Variants in RBFOX1 observed in about 807,000 individuals in gnomAD.
RBFOX1 encodes RNA binding protein fox-1 homolog 1.
In RBFOX1, 8 loss-of-function variants were observed where a neutral mutation model predicts 57.7. The ratio of observed to expected loss-of-function variants is 0.14; its 90% confidence interval spans 0.08 to 0.25. The LOEUF (loss-of-function observed/expected upper bound fraction) is 0.25. Ranked by LOEUF, RBFOX1 falls within the 10% of genes least tolerant of loss-of-function variation. The pLI is 1.00. For missense variants in RBFOX1, 611 were observed against 548.5 expected (o/e 1.11, Z -1.14); for synonymous variants, 326 against 222.4 (o/e 1.47, Z -4.15).
intron 1 of RBFOX1, among the ~76,000 whole-genome samples, chr16:6,193,733 C>A (rs575136787): frequency 1.3e-5 from 2 of 151,884 alleles, no homozygotes; most frequent in Non-Finnish European, 2.9e-5. Context: ...TTGAAACTGC[C>A]CATTTCTTTG....
chr16:7,679,984 C>G (rs2074326582), intron 14 of RBFOX1, among the ~76,000 whole-genome samples: 1 of 152,182 alleles, frequency 6.6e-6, no homozygotes, highest in Admixed American at 6.5e-5. Flanking sequence ...TCTAATCTCA[C>G]TTTGATTTAT....
intron 2 of RBFOX1, among the ~76,000 whole-genome samples, chr16:6,320,753 G>T (rs1011390533): frequency 6.7e-6 from 1 of 148,858 alleles, no homozygotes. Context: ...AAAACTAAGT[G>T]TTCTTTCAAA....
At position 5,380,102 on chromosome 16, in the gene RBFOX1, T is replaced by C. The variant is rs551689987; in HGVS notation, c.220-87114T>C. Among the ~76,000 whole-genome samples the C allele has an allele frequency of 7.2e-5, 11 of 152,130 alleles. 1 individual carries two copies. Among genetic ancestry groups the C allele is most frequent in the African/African-American group, 2.2e-4 (9 of 41,420 alleles). ...ATTTTGAGAGGGTTAAGGACAATTATTTATTTTGAGTGTGCCCCAGATTGT... is the reference window on the plus strand; with the variant it reads ...ATTTTGAGAGGGTTAAGGACAATTACTTATTTTGAGTGTGCCCCAGATTGT... On this transcript the variant is annotated intron_variant, in intron 1 of 2. Coordinates refer to the RBFOX1 transcript ENST00000585867.
chr16:6,091,268 A>T (rs1220822038), intron 1 of RBFOX1, among the ~76,000 whole-genome samples: 1 of 152,128 alleles, frequency 6.6e-6, no homozygotes, highest in East Asian at 1.9e-4. Flanking sequence ...CATCTATGAT[A>T]CCCACTTATG....
chr16:7,467,379 C>T (rs959823207), intron 4 of RBFOX1, among the ~76,000 whole-genome samples: 1 of 152,078 alleles, frequency 6.6e-6, no homozygotes, highest in African/African-American at 2.4e-5. Context: ...ATCTGTCTGC[C>T]TTCTAGGGTT....
rs560900847 is a variant in RBFOX1 at position 5,677,971 on chromosome 16, A to G, written c.318+79010A>G. Reference sequence around the variant, plus strand: ...GAAATGTGTTCTATGTCAGATGCTCATGGTGGAGCACCGTGGGGCTCTGTG... The same window carrying G: ...GAAATGTGTTCTATGTCAGATGCTCGTGGTGGAGCACCGTGGGGCTCTGTG... On this transcript the variant is annotated intron_variant, in intron 3 of 19. Coordinates refer to the RBFOX1 transcript ENST00000641259. Among the ~76,000 whole-genome samples the G allele has an allele frequency of 6.6e-5, 10 of 152,346 alleles. No individual in the cohort carries two copies. In the South Asian group the frequency reaches 1.4e-3, roughly 22 times the overall value.
intron 4 of RBFOX1, among the ~76,000 whole-genome samples, chr16:7,445,203 G>A (rs1271211614): frequency 6.6e-6 from 1 of 152,108 alleles, no homozygotes; most frequent in East Asian, 1.9e-4. Flanking sequence ...AGGAAAGTTG[G>A]TAATATTACT....
intron 2 of RBFOX1, among the ~76,000 whole-genome samples, chr16:6,411,995 A>C (rs1171450090): frequency 6.6e-6 from 1 of 151,934 alleles, no homozygotes; most frequent in African/African-American, 2.4e-5. Context: ...AGCTGGGTGT[A>C]GTGGCAGGCG....
At chr16:7,475,619 G>C (rs1273561949) in intron 4 of RBFOX1, among the ~76,000 whole-genome samples, 1 of 152,032 alleles carries the variant, frequency 6.6e-6, no homozygotes, top group Non-Finnish European at 1.5e-5. Flanking sequence ...GCTAGGATGG[G>C]CATTCTTGTA....
chr16:6,674,564 C>T (rs1042040474), intron 3 of RBFOX1, among the ~76,000 whole-genome samples: 6 of 152,088 alleles, frequency 3.9e-5, no homozygotes, highest in Non-Finnish European at 5.9e-5. Flanking sequence ...TCAAGTGATC[C>T]ACCCACCTCA....
At chr16:7,026,566 C>T (rs753358166) in intron 3 of RBFOX1, among the ~76,000 whole-genome samples, 12 of 152,226 alleles carry the variant, frequency 7.9e-5, no homozygotes, top group African/African-American at 2.4e-4. Flanking sequence ...GGCTTCTCCC[C>T]GTCCCCTCTC....
intron 4 of RBFOX1, among the ~76,000 whole-genome samples, chr16:5,914,866 G>C (rs1567141860): frequency 1.3e-5 from 2 of 152,042 alleles, no homozygotes; most frequent in African/African-American, 4.8e-5. Context: ...CTGCACTCCA[G>C]CCTAGGCGAC....
At chr16:7,189,599 A>G (rs766474798) in intron 4 of RBFOX1, among the ~76,000 whole-genome samples, 10 of 151,514 alleles carry the variant, frequency 6.6e-5, no homozygotes, top group Non-Finnish European at 1.0e-4. Flanking sequence ...ACACACACAA[A>G]ATAGAGCACA....
chr16:6,943,522 C>G (rs934504045), intron 3 of RBFOX1, among the ~76,000 whole-genome samples: 3 of 152,090 alleles, frequency 2.0e-5, no homozygotes, highest in South Asian at 2.1e-4. Context: ...TCCTGACTAA[C>G]ATGGTGAAAC....
chr16:6,344,432 C>A (rs907906208), intron 2 of RBFOX1, among the ~76,000 whole-genome samples: 2 of 67,472 alleles, frequency 3.0e-5, no homozygotes, highest in African/African-American at 3.1e-4. Flanking sequence ...GACAGAGTCT[C>A]TATCGCCCAG....
intron 3 of RBFOX1, among the ~76,000 whole-genome samples, chr16:6,870,541 C>T (rs2060687439): frequency 6.6e-6 from 1 of 152,162 alleles, no homozygotes; most frequent in Non-Finnish European, 1.5e-5. Context: ...CATACTGGAT[C>T]ACCTTGTATA....
intron 1 of RBFOX1, among the ~76,000 whole-genome samples, chr16:6,072,111 G>A (rs1404086030): frequency 6.6e-6 from 1 of 152,188 alleles, no homozygotes; most frequent in Non-Finnish European, 1.5e-5. Context: ...TGAAGGAGGA[G>A]CACAGGCACA....
intron 3 of RBFOX1, among the ~76,000 whole-genome samples, chr16:5,618,700 A>G (rs1040663347): frequency 6.6e-6 from 1 of 152,232 alleles, no homozygotes; most frequent in Non-Finnish European, 1.5e-5. Flanking sequence ...AGAAATGCCC[A>G]TGAACACCAT....
At chr16:7,007,796 T>A (rs527622672) in intron 3 of RBFOX1, among the ~76,000 whole-genome samples, 1 of 152,192 alleles carries the variant, frequency 6.6e-6, no homozygotes, top group Non-Finnish European at 1.5e-5. Context: ...GTAAGGCTGC[T>A]GCCATTGAAG....
Sources: gnomAD v4.1 joint callset for allele counts (sites outside exome capture counted in the v4.1 genomes callset) on GRCh38, gnomAD v4.1.1 for gene constraint, MANE v1.5 for transcripts, NCBI Gene and HGNC (gene_info 2026-07-23, HGNC 2026-07-21) for gene names.